Variants in SLC44A3 observed in about 807,000 individuals in gnomAD.
SLC44A3 encodes the protein solute carrier family 44 member 3, also known as choline transporter-like protein 3.
Under a neutral mutation model 75.4 loss-of-function variants are expected in SLC44A3, and 74 were observed. The ratio of observed to expected loss-of-function variants is 0.98; its 90% CI spans 0.81 to 1.19. The LOEUF (loss-of-function observed/expected upper bound fraction) is 1.19. SLC44A3 is among the 50% of genes most tolerant of loss of function. The probability of loss-of-function intolerance (pLI) is 0.00; values close to 1 mark genes in which losing one functional copy is unlikely to be tolerated. For missense variants in SLC44A3, 700 were observed against 778.6 expected (o/e 0.90, Z 1.20); for synonymous variants, 310 against 296.9 (o/e 1.04, Z -0.45).
intron 3 of SLC44A3, 31 bp downstream of exon 3, chr1:94,824,666 A>C (rs1490590472): frequency 6.6e-7 from 1 of 1,526,204 alleles, no homozygotes; most frequent in African/African-American, 1.4e-5. Flanking sequence ...CCAGTCTGTA[A>C]GGAACTGTAC....
chr1:94,827,246 A>C (rs925775350), intron 3 of SLC44A3, among the ~76,000 whole-genome samples: 1 of 152,100 alleles, frequency 6.6e-6, no homozygotes, highest in Non-Finnish European at 1.5e-5. Flanking sequence ...TTCTCAGGTA[A>C]CTCCCTAGTG....
chr1:94,884,988 A>G (rs147662958), intron 12 of SLC44A3, among the ~76,000 whole-genome samples: 1,581 of 152,224 alleles, frequency 0.01, 23 homozygotes, highest in African/African-American at 0.037. Flanking sequence ...GCTCACGCCT[A>G]TAATCCCAAC....
intron 11 of SLC44A3, 105 bp downstream of exon 11, chr1:94,865,004 A>T (rs917468048): frequency 1.4e-5 from 18 of 1,268,780 alleles, no homozygotes; most frequent in Non-Finnish European, 2.0e-5. Flanking sequence ...GACCTGTGAC[A>T]GCGGGCCGTG....
intron 9 of SLC44A3, among the ~76,000 whole-genome samples, chr1:94,847,485 G>C (rs1664563098): frequency 6.6e-6 from 1 of 152,168 alleles, no homozygotes; most frequent in Non-Finnish European, 1.5e-5. Context: ...AGGAAATGTA[G>C]TTTCATTTTG....
rs150880125 is a variant in SLC44A3, at chr1:94,857,450, G to T, written c.1188G>T (p.Ala396=). The part of the protein sequence containing the change: ...GLIWTSEFIL[A]CQQMTIAGAV... ...TCTGGACTAGTGAATTCATCCTTGCGTGCCAGCAAATGACTATAGCTGGGG... is the reference window on the plus strand; with the variant it reads ...TCTGGACTAGTGAATTCATCCTTGCTTGCCAGCAAATGACTATAGCTGGGG... The change falls in exon 10 of 15, where the codon GCG becomes GCT. Residue 396 remains alanine, a synonymous_variant. Coordinates refer to ENST00000271227, the MANE Select transcript of SLC44A3 (RefSeq NM_001114106.3). The T allele has an allele frequency of 1.8e-4, 286 of 1,613,902 alleles. 1 individual carries two copies. The African/African-American group carries it at 3.1e-3, about 18-fold the overall frequency.
rs540463181 is a variant in SLC44A3, at chr1:94,834,474, G to A, written c.510-3237G>A. 9.0e-4 allele frequency among the ~76,000 whole-genome samples: 137 copies of A among 152,164 alleles called. 1 individual carries two copies. The highest frequency in any genetic ancestry group is 2.2e-3 in the Admixed American group (34 of 15,274). ...AATTGAATAAATAAATAAATGGGGG[G>A]AAGGGATAAATCCTTTTTTTCTTTT... On this transcript the variant is annotated intron_variant, in intron 5 of 14. Transcript: ENST00000271227.
At chr1:94,856,263 G>A (rs934220028) in intron 9 of SLC44A3, among the ~76,000 whole-genome samples, 9 of 152,202 alleles carry the variant, frequency 5.9e-5, no homozygotes, top group Middle Eastern at 3.4e-3. Flanking sequence ...CTCTCACTCC[G>A]TGCTCAAAAT....
intron 10 of SLC44A3, among the ~76,000 whole-genome samples, chr1:94,858,442 T>C (rs975059977): frequency 6.6e-6 from 1 of 152,134 alleles, no homozygotes; most frequent in Non-Finnish European, 1.5e-5. Flanking sequence ...TTACCTCTTC[T>C]GTGTGTGTGA....
intron 7 of SLC44A3, 25 bp from the exon 8 acceptor site, chr1:94,841,975 G>C: frequency 6.3e-7 from 1 of 1,597,006 alleles, no homozygotes; most frequent in East Asian, 2.3e-5. Context: ...TGTGCCCTGA[G>C]CTCTGCTACT....
At chr1:94,828,857 A>G (rs1356606335) in intron 5 of SLC44A3, among the ~76,000 whole-genome samples, 20 of 152,222 alleles carry the variant, frequency 1.3e-4, no homozygotes, top group Non-Finnish European at 1.5e-5. Context: ...TAGAGCTAGC[A>G]AGAAGTAACT....
At chr1:94,873,179 G>A (rs1179057350) in intron 12 of SLC44A3, among the ~76,000 whole-genome samples, 2 of 152,180 alleles carry the variant, frequency 1.3e-5, no homozygotes, top group Non-Finnish European at 2.9e-5. Flanking sequence ...GCCCTTTTCT[G>A]CCTTGGGCTA....
rs1666017458 is a variant in SLC44A3 at position 94,857,419 on chromosome 1, G to A, written c.1157G>A (p.Gly386Asp). The A allele has an allele frequency of 6.2e-7, 1 of 1,614,136 alleles. No individual in the cohort carries two copies. The highest frequency in any genetic ancestry group is 1.3e-5 in the African/African-American group (1 of 75,052). The part of the protein sequence containing the change: ...IRYMWSYHLI[G>D]LIWTSEFILA... ...TACATGTGGTCGTACCATTTAATTG[G>A]CCTCATCTGGACTAGTGAATTCATC... Residue 386 changes from glycine to aspartate, a missense_variant, in exon 10 of 15, where the codon GGC (glycine) becomes GAC (aspartate). Coordinates refer to ENST00000271227, the MANE Select transcript of SLC44A3 (RefSeq NM_001114106.3).
intron 3 of SLC44A3, among the ~76,000 whole-genome samples, chr1:94,825,593 G>A (rs1661206973): frequency 6.6e-6 from 1 of 152,156 alleles, no homozygotes; most frequent in Non-Finnish European, 1.5e-5. Flanking sequence ...CTCCCAAAGT[G>A]CTGGGATTAC....
chr1:94,872,551 C>T (rs1262319577), intron 12 of SLC44A3, among the ~76,000 whole-genome samples: 2 of 152,138 alleles, frequency 1.3e-5, no homozygotes, highest in East Asian at 3.9e-4. Flanking sequence ...ATACCAGTCT[C>T]CTGGGAGAAG....
chr1:94,872,808 G>C (rs1387714718), intron 12 of SLC44A3, among the ~76,000 whole-genome samples: 2 of 152,206 alleles, frequency 1.3e-5, no homozygotes, highest in Non-Finnish European at 2.9e-5. Flanking sequence ...GTGGGAAATG[G>C]GGGGAGAGTG....
intron 11 of SLC44A3, 46 bp from the exon 12 acceptor site, chr1:94,867,285 C>G (rs1252099059): frequency 1.4e-6 from 2 of 1,476,360 alleles, no homozygotes; most frequent in Non-Finnish European, 1.8e-6. Flanking sequence ...TTTCTTCTTT[C>G]CTGTGTTGTT....
intron 9 of SLC44A3, among the ~76,000 whole-genome samples, chr1:94,851,228 T>C (rs1020624772): frequency 2.0e-5 from 3 of 152,204 alleles, no homozygotes; most frequent in Admixed American, 1.3e-4. Flanking sequence ...TACTTAGATA[T>C]TTCTCCTCCA....
intron 10 of SLC44A3, among the ~76,000 whole-genome samples, chr1:94,863,316 C>T (rs1385748370): frequency 6.6e-6 from 1 of 152,116 alleles, no homozygotes; most frequent in African/African-American, 2.4e-5. Context: ...AGTGGTTAAC[C>T]CCATCACAGT....
intron 2 of SLC44A3, 103 bp from the exon 3 acceptor site, chr1:94,824,390 T>A: frequency 7.2e-7 from 1 of 1,386,598 alleles, no homozygotes; most frequent in South Asian, 1.6e-5. Context: ...CTGGAGAGCT[T>A]CACGTTCCAC....
Sources: gnomAD v4.1 joint callset for allele counts (sites outside exome capture counted in the v4.1 genomes callset) on GRCh38, gnomAD v4.1.1 for gene constraint, MANE v1.5 for transcripts, NCBI Gene and HGNC (gene_info 2026-07-23, HGNC 2026-07-21) for gene names.